The following SNTG1 variants were observed in gnomAD, a reference collection of about 807,000 sequenced individuals.
SNTG1 encodes gamma-1-syntrophin.
In SNTG1, 39 loss-of-function variants were observed where a neutral mutation model predicts 74.7. That is an observed-to-expected ratio of 0.52 (90% confidence interval 0.40 to 0.68). The LOEUF (loss-of-function observed/expected upper bound fraction) is 0.68. Among genes scored for constraint, SNTG1 ranks in the 30% least tolerant of loss-of-function variants. The pLI, the probability that SNTG1 is intolerant of heterozygous loss-of-function variation, is 0.00. For missense variants in SNTG1, 685 were observed against 609.5 expected (o/e 1.12, Z -1.30); for synonymous variants, 254 against 217.1 (o/e 1.17, Z -1.49).
chr8:50,644,626 G>A (rs2095095449), intron 13 of SNTG1, among the ~76,000 whole-genome samples: 1 of 152,084 alleles, frequency 6.6e-6, no homozygotes, highest in African/African-American at 2.4e-5. Flanking sequence ...AAAATGTGGG[G>A]GAGAGTCAAA....
chr8:50,449,698 G>A lies in SNTG1; in HGVS notation c.250G>A (p.Val84Ile), dbSNP rs145093612. 2.3e-3 allele frequency: 3,635 copies of A among 1,594,966 alleles called. 19 individuals carry two copies. Among genetic ancestry groups the A allele is most frequent in the Non-Finnish European group, 2.8e-3 (3,275 of 1,168,876 alleles). Reference sequence around the variant, plus strand: ...AGCAGAACATAACATTCCAGTTGTCGTTTCAAAAATCTCCAAGGAACAAAG... The same window carrying A: ...AGCAGAACATAACATTCCAGTTGTCATTTCAAAAATCTCCAAGGAACAAAG... ...GGAEHNIPVV[V>I]SKISKEQRAE... Residue 84 changes from valine (V) to isoleucine (I), a missense_variant, in exon 6 of 19, where the codon GTT becomes ATT. Val to Ile is a conservative substitution (Grantham distance 29, BLOSUM62 3). Transcript: ENST00000642720.
At chr8:50,065,740 G>A (rs1054205201) in intron 1 of SNTG1, among the ~76,000 whole-genome samples, 2 of 152,164 alleles carry the variant, frequency 1.3e-5, no homozygotes, top group African/African-American at 4.8e-5. Flanking sequence ...TCTTAAATAT[G>A]CTGTTTAACC....
At chr8:50,731,226 G>T (rs1462787288) in intron 17 of SNTG1, among the ~76,000 whole-genome samples, 2 of 152,056 alleles carry the variant, frequency 1.3e-5, no homozygotes, top group Non-Finnish European at 2.9e-5. Context: ...TGGAGTTCAG[G>T]CCAGTGCCTG....
At chr8:50,634,730 T>A (rs893932418) in intron 13 of SNTG1, among the ~76,000 whole-genome samples, 3 of 152,182 alleles carry the variant, frequency 2.0e-5, no homozygotes, top group Admixed American at 2.0e-4. Context: ...ATTAGTTTTG[T>A]ACAATTATAG....
At chr8:49,945,281 T>C (rs1809071504) in intron 1 of SNTG1, among the ~76,000 whole-genome samples, 2 of 152,202 alleles carry the variant, frequency 1.3e-5, no homozygotes, top group South Asian at 4.1e-4. Flanking sequence ...TGTTAGAATC[T>C]ATGGCTACAG....
chr8:50,171,193 G>A (rs945130944), intron 1 of SNTG1, among the ~76,000 whole-genome samples: 1 of 151,834 alleles, frequency 6.6e-6, no homozygotes, highest in African/African-American at 2.4e-5. Flanking sequence ...TTCTCTAGAG[G>A]GACAGGACTA....
intron 15 of SNTG1, among the ~76,000 whole-genome samples, chr8:50,682,187 G>A (rs1585513395): frequency 6.6e-6 from 1 of 152,184 alleles, no homozygotes; most frequent in African/African-American, 2.4e-5. Flanking sequence ...CATGGACAGG[G>A]AGGGTAAGGG....
chr8:50,501,518 C>T lies in SNTG1; in HGVS notation c.364-1260C>T, dbSNP rs559151714. On this transcript the variant is annotated intron_variant, in intron 8 of 18. Transcript: ENST00000642720. ...AGGTGCGGTCTCAGCTCGCTGCAAC[C>T]TCCGCCTCCCAGGTTCAAACGATTC... Among the ~76,000 whole-genome samples, 3 of 148,988 alleles carry T rather than the reference C, an allele frequency of 2.0e-5. No individual in the cohort carries two copies. In the South Asian group the frequency reaches 6.4e-4, roughly 32 times the overall value.
At chr8:50,222,089 G>C (rs1599275) in intron 2 of SNTG1, among the ~76,000 whole-genome samples, 3 of 152,164 alleles carry the variant, frequency 2.0e-5, no homozygotes, top group African/African-American at 7.2e-5. Context: ...GTTGAGTGGA[G>C]AGTTGCAGGC....
At chr8:50,444,036 GCTGAGACAGGAGAATCA>G (rs2093382685) in intron 5 of SNTG1, among the ~76,000 whole-genome samples, 1 of 151,952 alleles carries the variant, frequency 6.6e-6, no homozygotes, top group Non-Finnish European at 1.5e-5. Flanking sequence ...TACTTGGGAG[GCTGAGACAGGAGAATCA>G]CTTGAACCGG....
intron 8 of SNTG1, among the ~76,000 whole-genome samples, chr8:50,491,982 A>G (rs1255231424): frequency 6.8e-6 from 1 of 147,192 alleles, no homozygotes. Flanking sequence ...AAGAACATGC[A>G]GTGTTTCATT....
intron 2 of SNTG1, among the ~76,000 whole-genome samples, chr8:50,354,145 C>A (rs2091749399): frequency 6.6e-6 from 1 of 152,182 alleles, no homozygotes; most frequent in African/African-American, 2.4e-5. Context: ...TTTCTGCATT[C>A]CTGCTGATGG....
intron 1 of SNTG1, among the ~76,000 whole-genome samples, chr8:50,111,889 C>T (rs182828221): frequency 6.6e-6 from 1 of 152,100 alleles, no homozygotes; most frequent in East Asian, 1.9e-4. Flanking sequence ...TTTCCACTTT[C>T]AGAGTTAAAA....
chr8:50,487,562 T>A (rs2093808143), intron 8 of SNTG1, among the ~76,000 whole-genome samples: 1 of 152,098 alleles, frequency 6.6e-6, no homozygotes, highest in Admixed American at 6.5e-5. Context: ...TTGGAAATCA[T>A]CATTCTCAGT....
At chr8:50,479,379 G>T (rs761276452) in intron 8 of SNTG1, among the ~76,000 whole-genome samples, 2 of 151,932 alleles carry the variant, frequency 1.3e-5, no homozygotes, top group Non-Finnish European at 2.9e-5. Context: ...GTTTTTAAGC[G>T]TTCCAAATCT....
chr8:50,723,705 C>T (rs2095493122), intron 17 of SNTG1, among the ~76,000 whole-genome samples: 1 of 151,918 alleles, frequency 6.6e-6, no homozygotes, highest in Non-Finnish European at 1.5e-5. Context: ...AGGGCTTCAA[C>T]AGTGGGTCAG....
intron 1 of SNTG1, among the ~76,000 whole-genome samples, chr8:49,938,592 C>CTTTTT (rs1244932981): frequency 5.5e-5 from 1 of 18,102 alleles, no homozygotes. Context: ...CTTTTCTTTT[C>CTTTTT]TTTTCTTTTC....
chr8:50,504,741 C>A (rs540510493), intron 9 of SNTG1, among the ~76,000 whole-genome samples: 1 of 152,164 alleles, frequency 6.6e-6, no homozygotes, highest in African/African-American at 2.4e-5. Flanking sequence ...GCTGAGGATG[C>A]AGTGAGCTGA....
chr8:50,777,425 T>C (rs2095644113), intron 18 of SNTG1, among the ~76,000 whole-genome samples: 1 of 150,500 alleles, frequency 6.6e-6, no homozygotes, highest in Admixed American at 6.6e-5. Flanking sequence ...TTTATTTCTG[T>C]TATTATATTT....
Sources: gnomAD v4.1 joint callset for allele counts (sites outside exome capture counted in the v4.1 genomes callset) on GRCh38, gnomAD v4.1.1 for gene constraint, MANE v1.5 for transcripts, NCBI Gene and HGNC (gene_info 2026-07-23, HGNC 2026-07-21) for gene names.